RIF1: variants seen among roughly 807,000 people sequenced by gnomAD.
RIF1 encodes the protein replication timing regulatory factor 1, also known as telomere-associated protein RIF1.
RIF1 carries 45 observed loss-of-function variants against 247.1 expected under a neutral mutation model. That is an observed-to-expected ratio of 0.18 (90% CI 0.14 to 0.23). The LOEUF (loss-of-function observed/expected upper bound fraction) is 0.23. Among genes scored for constraint, RIF1 ranks in the 10% least tolerant of loss-of-function variants. The pLI, the probability that RIF1 is intolerant of heterozygous loss-of-function variation, is 1.00. For synonymous variants in RIF1, 1,087 were observed against 978.8 expected (o/e 1.11, Z -2.06); for missense variants, 2,967 against 2,862.5 (o/e 1.04, Z -0.83).
At chr2:151,416,470 TTGA>T in intron 4 of RIF1, 88 bp from the exon 5 acceptor site, 3 of 1,150,780 alleles carry the variant, frequency 2.6e-6, no homozygotes, top group Non-Finnish European at 3.7e-6. Context: ...AATTTTATGA[TTGA>T]TGAGTATATT....
intron 30 of RIF1, among the ~76,000 whole-genome samples, chr2:151,467,386 A>T (rs1357053160): frequency 2.6e-5 from 4 of 151,940 alleles, no homozygotes; most frequent in Admixed American, 2.6e-4. Flanking sequence ...TCTGTCTGTA[A>T]GACAGAGTAG....
intron 2 of RIF1, 53 bp downstream of exon 2, chr2:151,410,580 A>T: frequency 7.0e-7 from 1 of 1,429,498 alleles, no homozygotes; most frequent in Non-Finnish European, 9.8e-7. Context: ...TAGTGGGGAG[A>T]AAGAAGGTGG....
chr2:151,430,637 T>A (rs889408278), intron 9 of RIF1, among the ~76,000 whole-genome samples: 1 of 152,072 alleles, frequency 6.6e-6, no homozygotes, highest in African/African-American at 2.4e-5. Context: ...TACTTTTATT[T>A]AAAATACTGG....
intron 30 of RIF1, among the ~76,000 whole-genome samples, chr2:151,466,443 T>C (rs1189583212): frequency 2.6e-5 from 4 of 152,210 alleles, no homozygotes; most frequent in African/African-American, 9.6e-5. Context: ...GAAACAGATT[T>C]AGGAATGCAG....
chr2:151,414,684 A>G lies in RIF1; in HGVS notation c.184-139A>G. The G allele has an allele frequency of 1.3e-5, 8 of 597,788 alleles. No homozygotes were observed. In the South Asian group the frequency reaches 1.8e-4, roughly 14 times the overall value. The allele number at this position is 597,788 out of a possible 1,614,324, so 37.0% of individuals were successfully genotyped here. A position where few individuals can be genotyped will look rare whatever the true frequency, so the allele number is the denominator to read the frequency against. ...TGGATTTTATTCCTTGTTTATTTTTATTTTTATTTTTTATGCGTATTCTCA... is the reference window on the plus strand; with the variant it reads ...TGGATTTTATTCCTTGTTTATTTTTGTTTTTATTTTTTATGCGTATTCTCA... On this transcript the variant is annotated intron_variant, in intron 3 of 35. Transcript: ENST00000444746.
rs1290185714 is a variant in RIF1, at chr2:151,475,187, C to T, written c.*116C>T. 1 of 722,248 alleles carries T rather than the reference C, an allele frequency of 1.4e-6. No individual in the cohort carries two copies. Among genetic ancestry groups the T allele is most frequent in the South Asian group, 1.7e-5 (1 of 59,398 alleles). The allele number at this position is 722,248 out of a possible 1,614,324, so 44.7% of individuals were successfully genotyped here. A position where few individuals can be genotyped will look rare whatever the true frequency, so the allele number is the denominator to read the frequency against. On this transcript the variant is annotated 3_prime_UTR_variant, in exon 36 of 36. Transcript: ENST00000444746. ...AAGAGACTCTTTGCAAAGTTGATAACATTTCAAACCCTGAAGGACAGTGAC... is the reference window on the plus strand; with the variant it reads ...AAGAGACTCTTTGCAAAGTTGATAATATTTCAAACCCTGAAGGACAGTGAC...
chr2:151,469,600 T>TA (rs1479696172), intron 33 of RIF1, 111 bp from the exon 34 acceptor site: 1 of 793,964 alleles, frequency 1.3e-6, no homozygotes, highest in Non-Finnish European at 1.8e-6. Context: ...CACTGTGGGC[T>TA]AACCTCAGTT....
the RIF1 span, among the ~76,000 whole-genome samples, chr2:151,513,105 C>T: frequency 6.6e-6 from 1 of 152,104 alleles, no homozygotes; most frequent in Non-Finnish European, 1.5e-5. Context: ...GATAGTAAGG[C>T]ATGGATTGTT....
intron 12 of RIF1, chr2:151,505,945 C>G: frequency 1.7e-6 from 1 of 584,044 alleles, no homozygotes; most frequent in Non-Finnish European, 3.1e-6. Context: ...TTCTCACAAG[C>G]CTCTCTGTTT....
chr2:151,461,251 A>T lies in RIF1; in HGVS notation c.3189A>T (p.Ile1063=). 6.2e-7 allele frequency: 1 copy of T among 1,613,320 alleles called. No individual in the cohort carries two copies. Among genetic ancestry groups the T allele is most frequent in the Non-Finnish European group, 8.5e-7 (1 of 1,179,814 alleles). Residue 1063 remains isoleucine (I), a synonymous_variant, in exon 27 of 36, where the codon ATA becomes ATT. Coordinates refer to ENST00000444746, the MANE Select transcript of RIF1 (RefSeq NM_018151.5). The stretch of plus-strand genomic sequence containing the variant: ...AAGGAAAAGATGCAAAGGAAAGAAT[A>T]TTAACTGATCATCAAAAAGAAGTTC... The part of the protein sequence containing the change: ...PPEGKDAKER[I]LTDHQKEVLK...
rs58326774 is a variant in RIF1 at position 151,442,048 on chromosome 2, TTTTTA to T, written c.1734+91_1734+95del. 3.4e-3 allele frequency: 805 copies of T among 237,772 alleles called. 17 individuals carry two copies. The East Asian group carries it at 0.037, about 11-fold the overall frequency. The allele number at this position is 237,772 out of a possible 1,614,324, so 14.7% of individuals were successfully genotyped here. On this transcript the variant is annotated intron_variant, in intron 16 of 35. Transcript: ENST00000444746. ...TGGCCAAAAACATTTATACTTCCCTTTTTTATTTTATTTTATTTTATTTTATTTTA... is the reference window on the plus strand; with the variant it reads ...TGGCCAAAAACATTTATACTTCCCTTTTTTATTTTATTTTATTTTATTTTA...
At chr2:151,433,626 G>A (rs1159299584) in intron 10 of RIF1, among the ~76,000 whole-genome samples, 1 of 151,814 alleles carries the variant, frequency 6.6e-6, no homozygotes, top group African/African-American at 2.4e-5. Context: ...CTAATTTTTT[G>A]TATTTTTTAG....
chr2:151,441,974 A>G lies in RIF1; in HGVS notation c.1717A>G (p.Asn573Asp). 1 of 1,521,604 alleles carries G rather than the reference A, an allele frequency of 6.6e-7. No homozygotes were observed. The highest frequency in any genetic ancestry group is 1.4e-5 in the African/African-American group (1 of 72,012). 94.3% of individuals were successfully genotyped at this position (1,521,604 alleles called of 1,614,324 possible). A position where few individuals can be genotyped will look rare whatever the true frequency, so the allele number is the denominator to read the frequency against. Residue 573 changes from asparagine to aspartate, a missense_variant, in exon 16 of 36, where the codon AAT becomes GAT. By Grantham distance (23) the Asn-to-Asp change is conservative. Around this residue, in one of 7 missense-constraint regions of RIF1, gnomAD observed 369 missense variants for 322.0 expected, o/e 1.15. Transcript: ENST00000444746. The part of the protein sequence containing the change: ...VLGSPAYQVA[N>D]MDILNGTPAL... Reference sequence around the variant, plus strand: ...AGGTTCACCAGCATATCAGGTTGCTAATATGGATATTCTTAATGCAAGTAT... The same window carrying G: ...AGGTTCACCAGCATATCAGGTTGCTGATATGGATATTCTTAATGCAAGTAT...
chr2:151,504,642 A>C (rs2067324755), intron 12 of RIF1, among the ~76,000 whole-genome samples: 1 of 152,228 alleles, frequency 6.6e-6, no homozygotes, highest in South Asian at 2.1e-4. Context: ...TCCCAAGACC[A>C]AGGTCCTCCC....
chr2:151,501,499 C>CAACA lies in RIF1; in HGVS notation c.*710-1528_*710-1525dup, dbSNP rs1205054716. 1.4e-6 allele frequency: 2 copies of CAACA among 1,422,494 alleles called. No homozygotes were observed. Among genetic ancestry groups the CAACA allele is most frequent in the South Asian group, 1.6e-5 (1 of 64,510 alleles). The allele number at this position is 1,422,494 out of a possible 1,614,324, so 88.1% of individuals were successfully genotyped here. ...TGTACAATATCTGTGTGCACAAAACCAACAAACAAATCAACCTGGACCCAT... is the reference window on the plus strand; with the variant it reads ...TGTACAATATCTGTGTGCACAAAACCAACAAACAAACAAATCAACCTGGACCCAT... On this transcript the variant is annotated intron_variant and NMD_transcript_variant, in intron 11 of 13. Coordinates refer to the RIF1 transcript ENST00000454583.
At position 151,468,692 on chromosome 2, in the gene RIF1, C is replaced by T; in HGVS notation, c.6877C>T (p.Pro2293Ser). The change falls in exon 33 of 36, where the codon CCA (proline) becomes TCA (serine). Residue 2293 changes from proline to serine, a missense_variant. Coordinates refer to ENST00000444746, the MANE Select transcript of RIF1 (RefSeq NM_018151.5). ...SIPCPTESVY[P>S]PLVNCVAPVD... ...ACCATGCCCAACAGAAAGTGTTTAC[C>T]CACCATTGGTGAACTGTGTGGCACC... 1 of 1,613,972 alleles carries T rather than the reference C, an allele frequency of 6.2e-7. No homozygotes were observed. The highest frequency in any genetic ancestry group is 1.1e-5 in the South Asian group (1 of 91,076).
At chr2:151,494,057 A>G (rs2058522808) in intron 9 of RIF1, 1 of 1,020,598 alleles carries the variant, frequency 9.8e-7, no homozygotes, top group Non-Finnish European at 1.5e-6. Flanking sequence ...TGCAAATGTA[A>G]CTGGCATTTT....
At chr2:151,434,073 G>A (rs1690682706) in intron 10 of RIF1, among the ~76,000 whole-genome samples, 1 of 151,194 alleles carries the variant, frequency 6.6e-6, no homozygotes, top group Admixed American at 6.6e-5. Flanking sequence ...TCGGGAGGCT[G>A]AGGAGAATTG....
intron 9 of RIF1, chr2:151,491,997 T>C (rs908768865): frequency 2.4e-6 from 3 of 1,273,680 alleles, no homozygotes; most frequent in South Asian, 2.8e-5. Flanking sequence ...GAAAAACAGA[T>C]TGAAGTCCTT....
Sources: gnomAD v4.1 joint callset for allele counts (sites outside exome capture counted in the v4.1 genomes callset) on GRCh38, gnomAD v4.1.1 for gene constraint, gnomAD v4.1.1 regional missense constraint, MANE v1.5 for transcripts, NCBI Gene and HGNC (gene_info 2026-07-23, HGNC 2026-07-21) for gene names.